UMAD1: variants seen among roughly 807,000 people sequenced by gnomAD.
UMAD1 encodes UBAP1-MVB12-associated (UMA) domain containing 1, also known as UBAP1-MVB12-associated (UMA)-domain containing protein 1.
In UMAD1, 8 loss-of-function variants were observed where a neutral mutation model predicts 6.1. That is an observed-to-expected ratio of 1.30 (90% CI 0.76 to 2.35). The LOEUF is 2.35. Ranked by LOEUF, UMAD1 falls within the 30% of genes most tolerant of loss-of-function variation. UMAD1 has a pLI of 0.00. For synonymous variants in UMAD1, 56 were observed against 31.4 expected (o/e 1.78, Z -2.61); for missense variants, 130 against 78.4 (o/e 1.66, Z -2.49).
chr7:7,825,199 T>G (rs1381480630), intron 3 of UMAD1, among the ~76,000 whole-genome samples: 1 of 152,154 alleles, frequency 6.6e-6, no homozygotes, highest in Non-Finnish European at 1.5e-5. Context: ...ATTAATATCT[T>G]GTGTTCCATC....
chr7:7,784,567 G>A (rs571269544), intron 2 of UMAD1, among the ~76,000 whole-genome samples: 90 of 150,406 alleles, frequency 6.0e-4, no homozygotes, highest in African/African-American at 2.1e-3. Context: ...GGATGGTCTC[G>A]ATCTTCTGAC....
intron 2 of UMAD1, among the ~76,000 whole-genome samples, chr7:7,730,734 C>A (rs149264719): frequency 5.8e-4 from 88 of 152,124 alleles, no homozygotes; most frequent in African/African-American, 2.0e-3. Context: ...GGAAAAAAAA[C>A]CCTCAAAATC....
At chr7:7,677,789 T>A (rs1050091161) in intron 2 of UMAD1, among the ~76,000 whole-genome samples, 6 of 146,550 alleles carry the variant, frequency 4.1e-5, no homozygotes, top group African/African-American at 7.6e-5. Context: ...TTCTCCTGCC[T>A]CAGCCTCCCA....
chr7:7,803,804 C>G (rs1409327397), intron 3 of UMAD1, among the ~76,000 whole-genome samples: 1 of 151,886 alleles, frequency 6.6e-6, no homozygotes, highest in Non-Finnish European at 1.5e-5. Flanking sequence ...AATGCAGGCT[C>G]TCCCCTCCCA....
chr7:7,778,060 C>G (rs1015035190), intron 2 of UMAD1, among the ~76,000 whole-genome samples: 55 of 152,302 alleles, frequency 3.6e-4, no homozygotes, highest in Admixed American at 2.5e-3. Flanking sequence ...GTGTTACTCT[C>G]TATTGATCAT....
chr7:7,771,400 G>A (rs900483675), intron 2 of UMAD1, among the ~76,000 whole-genome samples: 15 of 152,202 alleles, frequency 9.9e-5, no homozygotes, highest in Admixed American at 9.8e-4. Context: ...TGATGGTTAG[G>A]GGGTGCCATC....
chr7:7,877,057 G>T (rs1474287701), intron 3 of UMAD1, among the ~76,000 whole-genome samples: 3 of 152,148 alleles, frequency 2.0e-5, no homozygotes, highest in Non-Finnish European at 4.4e-5. Flanking sequence ...GTGTTTAAGG[G>T]GTCTGTGGGT....
chr7:7,875,376 C>G (rs902914437), intron 3 of UMAD1, among the ~76,000 whole-genome samples: 1 of 152,058 alleles, frequency 6.6e-6, no homozygotes, highest in Non-Finnish European at 1.5e-5. Flanking sequence ...ATGAAAAACC[C>G]TTCAAAAAAA....
At chr7:7,676,054 T>G in intron 2 of UMAD1, 1 of 398,566 alleles carries the variant, frequency 2.5e-6, no homozygotes. Flanking sequence ...TTACTTCCTC[T>G]GTCTTCGTTC....
chr7:7,796,683 G>A (rs1782690567), intron 2 of UMAD1, among the ~76,000 whole-genome samples: 2 of 152,170 alleles, frequency 1.3e-5, no homozygotes, highest in Non-Finnish European at 2.9e-5. Context: ...AGCTCTTGGT[G>A]AAGAATTACT....
At chr7:7,824,605 C>T (rs1026732831) in intron 3 of UMAD1, among the ~76,000 whole-genome samples, 1 of 152,120 alleles carries the variant, frequency 6.6e-6, no homozygotes, top group African/African-American at 2.4e-5. Context: ...GTACCACATG[C>T]TTCACAGTGT....
chr7:7,749,305 T>A (rs1274823325), intron 2 of UMAD1, among the ~76,000 whole-genome samples: 1 of 152,216 alleles, frequency 6.6e-6, no homozygotes, highest in Non-Finnish European at 1.5e-5. Context: ...GTTTTTATAA[T>A]CTCACCTCAG....
intron 3 of UMAD1, among the ~76,000 whole-genome samples, chr7:7,871,261 A>T (rs926087948): frequency 6.6e-6 from 1 of 152,216 alleles, no homozygotes; most frequent in Non-Finnish European, 1.5e-5. Flanking sequence ...AAGCCAAGAT[A>T]TGCTACTTTA....
intron 3 of UMAD1, among the ~76,000 whole-genome samples, 160 bp downstream of exon 3, chr7:7,801,903 G>C (rs1782807497): frequency 6.6e-6 from 1 of 152,230 alleles, no homozygotes; most frequent in Admixed American, 6.5e-5. Flanking sequence ...GAGCAGTACA[G>C]GGAGTGCCTT....
chr7:7,858,667 C>T (rs1420462907), intron 3 of UMAD1, among the ~76,000 whole-genome samples: 2 of 152,130 alleles, frequency 1.3e-5, no homozygotes, highest in South Asian at 2.1e-4. Context: ...TTCCCTAGTT[C>T]GGCCATCAGA....
rs574685033 is a variant in UMAD1 at position 7,838,572 on chromosome 7, C to G, written c.156+36829C>G. Among the ~76,000 whole-genome samples, 12 of 152,260 alleles carry G rather than the reference C, an allele frequency of 7.9e-5. No homozygotes were observed. In the South Asian group the frequency reaches 2.5e-3, roughly 32 times the overall value. On this transcript the variant is annotated intron_variant, in intron 3 of 3. Transcript: ENST00000682710. ...GCATTTCTTCATTAAATACGTGATT[C>G]TTTCATGATCCAGCAAGTTCATTCC...
intron 2 of UMAD1, among the ~76,000 whole-genome samples, chr7:7,682,895 G>A (rs1264833983): frequency 1.3e-5 from 2 of 152,206 alleles, no homozygotes; most frequent in African/African-American, 4.8e-5. Flanking sequence ...ATGTGGAGTT[G>A]TGTGTCTAAT....
At chr7:7,876,480 G>A (rs2115346753) in intron 3 of UMAD1, among the ~76,000 whole-genome samples, 1 of 152,212 alleles carries the variant, frequency 6.6e-6, no homozygotes, top group Admixed American at 6.5e-5. Context: ...TGTAGTGGCA[G>A]GCCATTCATC....
At chr7:7,714,151 T>C (rs2115173673) in intron 2 of UMAD1, among the ~76,000 whole-genome samples, 1 of 152,384 alleles carries the variant, frequency 6.6e-6, no homozygotes, top group South Asian at 2.1e-4. Context: ...ATGATAGAAA[T>C]TCCTGAAATG....
Sources: gnomAD v4.1 joint callset for allele counts (sites outside exome capture counted in the v4.1 genomes callset) on GRCh38, gnomAD v4.1.1 for gene constraint, MANE v1.5 for transcripts, NCBI Gene and HGNC (gene_info 2026-07-23, HGNC 2026-07-21) for gene names.